Variants in PEG3 observed in about 807,000 individuals in gnomAD.
PEG3 encodes the protein paternally-expressed gene 3 protein.
PEG3 carries 23 observed loss-of-function variants against 35.5 expected under a neutral mutation model. That is an observed-to-expected ratio of 0.65 (90% CI 0.47 to 0.92). The LOEUF is 0.92. Among genes scored for constraint, PEG3 ranks in the 40% least tolerant of loss-of-function variants. The pLI, the probability that PEG3 is intolerant of heterozygous loss-of-function variation, is 0.00. For synonymous variants in PEG3, 707 were observed against 697.0 expected (o/e 1.01, Z -0.23); for missense variants, 1,960 against 1,985.3 (o/e 0.99, Z 0.24).
chr19:56,835,614 C>T (rs1277200127), intron 2 of PEG3, among the ~76,000 whole-genome samples: 1 of 152,222 alleles, frequency 6.6e-6, no homozygotes, highest in African/African-American at 2.4e-5. Context: ...TTTTCCACAG[C>T]TTTAATTCCC....
In PEG3 at chr19:56,822,763, G is replaced by A; in HGVS notation, c.555C>T (p.Asn185=). 6.2e-7 allele frequency: 1 copy of A among 1,614,094 alleles called. No homozygotes were observed. Among genetic ancestry groups the A allele is most frequent in the Non-Finnish European group, 8.5e-7 (1 of 1,180,026 alleles). The change falls in exon 6 of 10, where the codon AAC becomes AAT. Residue 185 remains asparagine (N), a synonymous_variant. Coordinates refer to ENST00000326441, the MANE Select transcript of PEG3 (RefSeq NM_006210.3). ...GTGGTTAAGACTCACTGCTTCTTGG[G>A]TTCCTGGTGTGGGACCAGCGGTCTC... ...EPRDRWSHTR[N]PRSRMPPRDL...
intron 6 of PEG3, among the ~76,000 whole-genome samples, 197 bp from the exon 7 acceptor site, chr19:56,821,951 G>A (rs1331794565): frequency 6.6e-6 from 1 of 151,836 alleles, no homozygotes; most frequent in East Asian, 1.9e-4. Flanking sequence ...CCCAGGGCAG[G>A]GCCAGGGGCC....
intron 5 of PEG3, 85 bp downstream of exon 5, chr19:56,823,508 G>A: frequency 3.9e-6 from 6 of 1,539,864 alleles, no homozygotes; most frequent in Non-Finnish European, 5.4e-6. Flanking sequence ...TCATCTTCAT[G>A]GAGGCCCCAA....
intron 2 of PEG3, among the ~76,000 whole-genome samples, chr19:56,828,130 G>T (rs1189212178): frequency 6.6e-6 from 1 of 152,124 alleles, no homozygotes; most frequent in East Asian, 1.9e-4. Context: ...GCAGGTGCAG[G>T]CAGCCGTAAC....
At position 56,824,468 on chromosome 19, in the gene PEG3, G is replaced by A. The variant is rs1196983153; in HGVS notation, c.188C>T (p.Thr63Ile). The A allele has an allele frequency of 6.2e-7, 1 of 1,614,062 alleles. No homozygotes were observed. Among genetic ancestry groups the A allele is most frequent in the Non-Finnish European group, 8.5e-7 (1 of 1,180,034 alleles). ...GCAGAGGTTTCGGAGTTTGATCAGGGTCTTCCGAGGCCCAACAAATTCCAC... is the reference window on the plus strand; with the variant it reads ...GCAGAGGTTTCGGAGTTTGATCAGGATCTTCCGAGGCCCAACAAATTCCAC... ...IYVEFVGPRK[T>I]LIKLRNLCLD... is the part of the protein sequence containing the mutation. The change falls in exon 4 of 10, where the codon ACC becomes ATC. Residue 63 changes from threonine to isoleucine, a missense_variant. By Grantham distance (89) the Thr-to-Ile change is moderately conservative. This residue lies in a region of PEG3 where 613 missense variants were observed against 577.1 expected (regional missense o/e 1.06). Transcript: ENST00000326441.
In PEG3 at chr19:56,811,936, A is replaced by T. The variant is rs2059567312; in HGVS notation, c.*1739T>A. The T allele has an allele frequency of 1.6e-5, 16 of 985,162 alleles. No individual in the cohort carries two copies. Among genetic ancestry groups the T allele is most frequent in the Non-Finnish European group, 1.7e-5 (14 of 829,852 alleles). The allele number at this position is 985,162 out of a possible 1,614,324, so 61.0% of individuals were successfully genotyped here. A position where few individuals can be genotyped will look rare whatever the true frequency, so the allele number is the denominator to read the frequency against. ...TAGGACTCCCTTCTTTGACTCACTC[A>T]TTTCTGCTTCTTGCTCTCAGCTCTA... is the stretch of plus-strand genomic sequence containing the variant. On this transcript the variant is annotated 3_prime_UTR_variant, in exon 10 of 10. Coordinates refer to ENST00000326441, the MANE Select transcript of PEG3 (RefSeq NM_006210.3).
At chr19:56,821,868 C>T in intron 6 of PEG3, 114 bp from the exon 7 acceptor site, 3 of 1,104,340 alleles carry the variant, frequency 2.7e-6, no homozygotes, top group Non-Finnish European at 2.7e-6. Flanking sequence ...AGAGCAAGTG[C>T]CTTTCTCTTC....
Position 56,824,437 on chromosome 19 carries a change from A to T in PEG3, c.219T>A (p.Asp73Glu), listed in dbSNP as rs765581136. 1.2e-6 allele frequency: 2 copies of T among 1,614,116 alleles called. No homozygotes were observed. Among genetic ancestry groups the T allele is most frequent in the Admixed American group, 3.3e-5 (2 of 60,030 alleles). The stretch of plus-strand genomic sequence containing the variant: ...TGGTGCGGGTCTCCGGCTGCAACCA[A>T]TCGAGGCAGAGGTTTCGGAGTTTGA... ...TLIKLRNLCL[D>E]WLQPETRTKE... is the part of the protein sequence containing the mutation. The change falls in exon 4 of 10, where the codon GAT (aspartate) becomes GAA (glutamate). Residue 73 changes from aspartate to glutamate, a missense_variant. Transcript: ENST00000326441.
intron 2 of PEG3, among the ~76,000 whole-genome samples, chr19:56,829,861 C>G (rs1416961101): frequency 6.6e-6 from 1 of 152,254 alleles, no homozygotes; most frequent in East Asian, 1.9e-4. Context: ...CATAACTGCT[C>G]TGCCCACTTG....
Position 56,814,161 on chromosome 19 carries a change from T to C in PEG3, c.4281A>G (p.Gly1427=), listed in dbSNP as rs1205088095. 2 of 1,614,014 alleles carry C rather than the reference T, an allele frequency of 1.2e-6. No individual in the cohort carries two copies. The highest frequency in any genetic ancestry group is 1.7e-6 in the Non-Finnish European group (2 of 1,180,042). ...CCTCTCCAATGGGCTCTGCAGCCTCTCCATCTGGCCCTTCAGCCTCTCCGT... is the reference window on the plus strand; with the variant it reads ...CCTCTCCAATGGGCTCTGCAGCCTCCCCATCTGGCCCTTCAGCCTCTCCGT... The part of the protein sequence containing the change: ...EPNGEAEGPD[G]EAAEPIGEAG... Residue 1427 remains glycine (G), a synonymous_variant, in exon 10 of 10, where the codon GGA becomes GGG. Transcript: ENST00000326441. The surrounding 1 kb of genome is among the most constrained non-coding windows in gnomAD (Gnocchi z 5.8).
At position 56,810,907 on chromosome 19, in the gene PEG3, T is replaced by G. The variant is rs1215809911; in HGVS notation, c.*2768A>C. 1 of 962,798 alleles carries G rather than the reference T, an allele frequency of 1.0e-6. No individual in the cohort carries two copies. Among genetic ancestry groups the G allele is most frequent in the Non-Finnish European group, 1.2e-6 (1 of 809,454 alleles). The allele number at this position is 962,798 out of a possible 1,614,324, so 59.6% of individuals were successfully genotyped here. On this transcript the variant is annotated 3_prime_UTR_variant, in exon 10 of 10. Transcript: ENST00000326441. ...ACCAATGGAGACACACATAATACAC[T>G]GTTATCAGGACATTATTATAGGGAA...
intron 1 of PEG3, among the ~76,000 whole-genome samples, chr19:56,837,808 C>T (rs909394939): frequency 6.6e-6 from 1 of 152,254 alleles, no homozygotes; most frequent in African/African-American, 2.4e-5. Flanking sequence ...ATGGCGCCTG[C>T]GCAGTACACC....
Position 56,824,523 on chromosome 19 carries a change from A to G in PEG3, c.133T>C (p.Phe45Leu), listed in dbSNP as rs1568681461. 40 of 1,614,180 alleles carry G rather than the reference A, an allele frequency of 2.5e-5. No individual in the cohort carries two copies. The highest frequency in any genetic ancestry group is 3.4e-5 in the Non-Finnish European group (40 of 1,180,042). Residue 45 changes from phenylalanine (F) to leucine (L), a missense_variant, in exon 4 of 10, where the codon TTT becomes CTT. By Grantham distance (22) the Phe-to-Leu change is conservative. Around this residue, in one of 5 missense-constraint regions of PEG3, gnomAD observed 613 missense variants for 577.1 expected, o/e 1.06. Transcript: ENST00000326441. ...ATTAGGTTCCGAAACCTCTGATGAA[A>G]AAACTCAGAGTCAGTTGGACCTTCT... Reference protein sequence around the residue: ...IGEGPTDSEFFHQRFRNLIYV... With the variant: ...IGEGPTDSEFLHQRFRNLIYV...
chr19:56,810,938 G>T lies in PEG3; in HGVS notation c.*2737C>A. On this transcript the variant is annotated 3_prime_UTR_variant, in exon 10 of 10. Transcript: ENST00000326441. ...CAGGACATTATTATAGGGAACATTT[G>T]AAAAAATTAAAGTGAAAGTATTTAA... 4.1e-6 allele frequency: 4 copies of T among 970,188 alleles called. No homozygotes were observed. Among genetic ancestry groups the T allele is most frequent in the Non-Finnish European group, 4.9e-6 (4 of 816,156 alleles). 60.1% of individuals were successfully genotyped at this position (970,188 alleles called of 1,614,324 possible).
chr19:56,815,379 T>C lies in PEG3; in HGVS notation c.3063A>G (p.Gln1021=). 3.1e-6 allele frequency: 5 copies of C among 1,614,244 alleles called. 1 individual carries two copies. The South Asian group carries it at 5.5e-5, about 18-fold the overall frequency. The change falls in exon 10 of 10, where the codon CAA becomes CAG. Residue 1021 remains glutamine, a synonymous_variant. Transcript: ENST00000326441. ...GCGCTTGCTCTTTAGCATACTGCTC[T>C]TGGGCGTAACTTGTTTGAGGGTCAG... ...APTDPQTSYA[Q]EQYAKEQARN...
intron 6 of PEG3, 32 bp from the exon 7 acceptor site, chr19:56,821,786 G>C: frequency 6.2e-7 from 1 of 1,611,604 alleles, no homozygotes; most frequent in Non-Finnish European, 8.5e-7. Flanking sequence ...ACAAGAAGCA[G>C]GGCCCAGTCC....
Position 56,815,885 on chromosome 19 carries a change from C to T in PEG3, c.2557G>A (p.Val853Met), listed in dbSNP as rs767988044. Residue 853 changes from valine (V) to methionine (M), a missense_variant, in exon 10 of 10, where the codon GTG (valine) becomes ATG (methionine). By Grantham distance (21) the Val-to-Met change is conservative. This residue lies in a region of PEG3 where 798 missense variants were observed against 782.4 expected (regional missense o/e 1.02). Coordinates refer to ENST00000326441, the MANE Select transcript of PEG3 (RefSeq NM_006210.3). ...GATTCTCCCTTCTCATTAGATTCCA[C>T]CAATTCATTTCCATTGTGACTTCTT... ...PPRSHNGNEL[V>M]ESNEKGESSI... is the part of the protein sequence containing the mutation. The T allele has an allele frequency of 6.2e-7, 1 of 1,613,422 alleles. No homozygotes were observed. The highest frequency in any genetic ancestry group is 8.5e-7 in the Non-Finnish European group (1 of 1,179,614).
chr19:56,821,818 T>A lies in PEG3; in HGVS notation c.566-64A>T, dbSNP rs1170276750. ...GTCCATCCTGCAGGTCCCAGGTTTG[T>A]CCCACTCAACTATGAAGCCAGCTGG... On this transcript the variant is annotated intron_variant, in intron 6 of 9. Coordinates refer to ENST00000326441, the MANE Select transcript of PEG3 (RefSeq NM_006210.3). The A allele has an allele frequency of 1.9e-6, 3 of 1,582,612 alleles. No individual in the cohort carries two copies. The East Asian group carries it at 6.7e-5, about 35-fold the overall frequency.
At chr19:56,833,191 G>A (rs1438407586) in intron 2 of PEG3, 1 of 516,172 alleles carries the variant, frequency 1.9e-6, no homozygotes, top group African/African-American at 1.9e-5. Context: ...TGATGCAGGA[G>A]AAAATCCACC....
Sources: allele counts gnomAD v4.1 joint callset (sites outside exome capture counted in the v4.1 genomes callset), GRCh38; gene constraint gnomAD v4.1.1; regional missense constraint gnomAD v4.1.1; non-coding constraint Gnocchi (gnomAD v3.1); transcripts MANE v1.5; gene names NCBI Gene and HGNC (gene_info 2026-07-23, HGNC 2026-07-21).